Variants in PLCG2 observed in about 807,000 individuals in gnomAD.
PLCG2 encodes phospholipase C gamma 2.
Under a neutral mutation model 175.6 loss-of-function variants are expected in PLCG2, and 69 were observed. The observed-to-expected ratio is 0.39, with a 90% CI of 0.32 to 0.48. The LOEUF is 0.48. Among genes scored for constraint, PLCG2 ranks in the 20% least tolerant of loss-of-function variants. PLCG2 has a pLI of 0.91. For missense variants in PLCG2, 1,798 were observed against 1,650.9 expected (o/e 1.09, Z -1.54); for synonymous variants, 827 against 624.0 (o/e 1.33, Z -4.85).
At chr16:81,858,033 C>G (rs1047728181) in intron 3 of PLCG2, 4 of 498,162 alleles carry the variant, frequency 8.0e-6, no homozygotes, top group Non-Finnish European at 1.5e-5. Context: ...AAATAACCCA[C>G]TTGTCATCCC....
intron 19 of PLCG2, among the ~76,000 whole-genome samples, chr16:81,917,267 T>G (rs965362245): frequency 6.6e-6 from 1 of 151,968 alleles, no homozygotes; most frequent in Admixed American, 6.6e-5. Context: ...TATTCCATTA[T>G]GTAAATGTAC....
intron 11 of PLCG2, among the ~76,000 whole-genome samples, chr16:81,892,432 C>T (rs907459623): frequency 6.6e-6 from 1 of 152,138 alleles, no homozygotes; most frequent in Non-Finnish European, 1.5e-5. Context: ...ATGGCCCCCA[C>T]AGCTGTGGGT....
chr16:81,887,411 G>T (rs534234858), intron 9 of PLCG2, among the ~76,000 whole-genome samples: 9 of 152,246 alleles, frequency 5.9e-5, no homozygotes, highest in African/African-American at 1.7e-4. Flanking sequence ...GAGCCACCAC[G>T]CCCGGCCTAG....
intron 1 of PLCG2, among the ~76,000 whole-genome samples, chr16:81,746,728 G>A (rs758863003): frequency 1.3e-5 from 2 of 152,134 alleles, no homozygotes; most frequent in African/African-American, 2.4e-5. Flanking sequence ...TGTAAAGTGG[G>A]CATATTAATA....
intron 31 of PLCG2, 113 bp downstream of exon 31, chr16:81,946,376 G>A (rs1217701365): frequency 5.3e-6 from 4 of 756,772 alleles, no homozygotes; most frequent in East Asian, 2.5e-5. Flanking sequence ...GAATTGTCTA[G>A]CCCAAGCATG....
At chr16:81,811,411 T>A (rs1904320425) in intron 2 of PLCG2, among the ~76,000 whole-genome samples, 1 of 152,150 alleles carries the variant, frequency 6.6e-6, no homozygotes, top group African/African-American at 2.4e-5. Flanking sequence ...CCAGTGTTAG[T>A]CACCTGAGAA....
At chr16:81,778,694 C>G (rs1307444898), upstream of PLCG2, among the ~76,000 whole-genome samples, 1 of 152,212 alleles carries the variant, frequency 6.6e-6, no homozygotes. Flanking sequence ...TTTAAGTGGT[C>G]TGCCTAAGGT....
intron 5 of PLCG2, among the ~76,000 whole-genome samples, chr16:81,862,948 T>C (rs904243578): frequency 7.2e-5 from 11 of 152,014 alleles, no homozygotes; most frequent in African/African-American, 2.4e-4. Context: ...CTGGGGGAAA[T>C]GCAGAAATCT....
intron 2 of PLCG2, among the ~76,000 whole-genome samples, chr16:81,819,066 C>T (rs980998947): frequency 1.2e-4 from 18 of 151,904 alleles, no homozygotes; most frequent in African/African-American, 4.4e-4. Context: ...CAGAGAGGTC[C>T]AGTGACTTGC....
chr16:81,823,438 G>A (rs1396031948), intron 2 of PLCG2, among the ~76,000 whole-genome samples: 1 of 152,214 alleles, frequency 6.6e-6, no homozygotes, highest in Non-Finnish European at 1.5e-5. Flanking sequence ...GATTGAGTGG[G>A]GGTAGGGGCT....
chr16:81,850,437 T>TAAGG (rs1386955973), intron 2 of PLCG2, among the ~76,000 whole-genome samples: 1 of 152,194 alleles, frequency 6.6e-6, no homozygotes, highest in Non-Finnish European at 1.5e-5. Flanking sequence ...AGAGAAGAGA[T>TAAGG]AAGGAAGACT....
At chr16:81,745,757 G>T (rs115392891) in intron 1 of PLCG2, among the ~76,000 whole-genome samples, 16 of 152,342 alleles carry the variant, frequency 1.1e-4, no homozygotes, top group Admixed American at 1.3e-4. Context: ...TTAGGGTCAG[G>T]GGGGAGCTTG....
chr16:81,756,553 A>G (rs1909933047), intron 2 of PLCG2, among the ~76,000 whole-genome samples: 1 of 152,130 alleles, frequency 6.6e-6, no homozygotes. Flanking sequence ...TATGAAGGTG[A>G]CCACACCATA....
In PLCG2 at chr16:81,858,349, A is replaced by G. The variant is rs1462345105; in HGVS notation, c.424A>G (p.Ile142Val). 6.2e-7 allele frequency: 1 copy of G among 1,612,282 alleles called. No homozygotes were observed. The highest frequency in any genetic ancestry group is 8.5e-7 in the Non-Finnish European group (1 of 1,178,448). ...EAMNASTPTI[I>V]ESWLRKQIYS... is the part of the protein sequence containing the mutation. The stretch of plus-strand genomic sequence containing the variant: ...GATGAATGCGTCCACGCCCACCATT[A>G]TCGAGAGGTAGTTGGCTTTTGCCTG... Residue 142 changes from isoleucine to valine, a missense_variant, in exon 4 of 33, where the codon ATC becomes GTC. Coordinates refer to ENST00000564138, the MANE Select transcript of PLCG2 (RefSeq NM_002661.5).
intron 32 of PLCG2, among the ~76,000 whole-genome samples, chr16:81,957,598 G>A (rs1191472456): frequency 2.6e-5 from 4 of 152,112 alleles, no homozygotes; most frequent in East Asian, 3.8e-4. Context: ...CGGGGCGGCC[G>A]GGGTTGCCAA....
At chr16:81,882,498 C>G (rs1228538781) in intron 8 of PLCG2, among the ~76,000 whole-genome samples, 1 of 152,206 alleles carries the variant, frequency 6.6e-6, no homozygotes, top group East Asian at 1.9e-4. Flanking sequence ...CCTGTCCTTT[C>G]TCCAACACCA....
intron 19 of PLCG2, among the ~76,000 whole-genome samples, chr16:81,913,554 G>A (rs2143665941): frequency 6.6e-6 from 1 of 152,350 alleles, no homozygotes; most frequent in African/African-American, 2.4e-5. Context: ...TCTCTAGCCA[G>A]AGGCCTGGGG....
intron 5 of PLCG2, among the ~76,000 whole-genome samples, chr16:81,864,763 C>T (rs1008938603): frequency 7.2e-5 from 11 of 152,148 alleles, no homozygotes; most frequent in African/African-American, 2.7e-4. Context: ...TGTCACGGGG[C>T]TGCCATCCTT....
chr16:81,747,116 A>G (rs1407811035), intron 1 of PLCG2, among the ~76,000 whole-genome samples: 1 of 152,224 alleles, frequency 6.6e-6, no homozygotes, highest in Non-Finnish European at 1.5e-5. Context: ...TTTATCCTCT[A>G]TAAAGAGTAA....
Sources: allele counts gnomAD v4.1 joint callset (sites outside exome capture counted in the v4.1 genomes callset), GRCh38; gene constraint gnomAD v4.1.1; transcripts MANE v1.5; gene names NCBI Gene and HGNC (gene_info 2026-07-23, HGNC 2026-07-21).